MAD1L1: variants seen among roughly 807,000 people sequenced by gnomAD.
MAD1L1 encodes mitotic arrest deficient 1 like 1, also known as mitotic spindle assembly checkpoint protein MAD1.
A neutral mutation model predicts 96.9 loss-of-function variants in MAD1L1; 95 were observed. The ratio of observed to expected loss-of-function variants is 0.98; its 90% CI spans 0.83 to 1.16. The LOEUF is 1.16. Among genes scored for constraint, MAD1L1 ranks in the 50% most tolerant of loss-of-function variants. The pLI, the probability that MAD1L1 is intolerant of heterozygous loss-of-function variation, is 0.00. For missense variants in MAD1L1, 1,007 were observed against 954.4 expected (o/e 1.06, Z -0.73); for synonymous variants, 473 against 396.6 (o/e 1.19, Z -2.29).
intron 18 of MAD1L1, among the ~76,000 whole-genome samples, chr7:1,869,219 C>A (rs1213673743): frequency 6.6e-6 from 1 of 152,118 alleles, no homozygotes; most frequent in Non-Finnish European, 1.5e-5. Flanking sequence ...GCCACAGAGG[C>A]CCGGGGGAAC....
At chr7:1,822,870 A>G (rs1293260672) in intron 18 of MAD1L1, among the ~76,000 whole-genome samples, 8 of 151,904 alleles carry the variant, frequency 5.3e-5, no homozygotes, top group Admixed American at 1.3e-4. Flanking sequence ...TACGGCTCCT[A>G]CGTCAGACAG....
At chr7:2,006,944 G>A (rs537163466) in intron 13 of MAD1L1, among the ~76,000 whole-genome samples, 50 of 152,278 alleles carry the variant, frequency 3.3e-4, no homozygotes, top group East Asian at 5.8e-4. Flanking sequence ...GGATTCCTGC[G>A]AGGGAGGGCA....
intron 16 of MAD1L1, among the ~76,000 whole-genome samples, chr7:1,945,663 GC>G (rs1476561428): frequency 1.3e-5 from 2 of 152,236 alleles, no homozygotes; most frequent in Non-Finnish European, 2.9e-5. Flanking sequence ...TGCTCTGTGA[GC>G]CCTCTTTCAT....
chr7:2,073,170 G>T (rs1380562233), intron 11 of MAD1L1, among the ~76,000 whole-genome samples: 2 of 152,198 alleles, frequency 1.3e-5, no homozygotes, highest in African/African-American at 2.4e-5. Context: ...TGTAACAGTG[G>T]CTCAGCAGAA....
rs772411334 is a variant in MAD1L1, at chr7:2,218,048, T to G, written c.597-5A>C. The stretch of plus-strand genomic sequence containing the variant: ...TGATTGGCTTCCTGGCATTTTCTAT[T>G]GAAAGAAAAATACATCACACACAGA... On this transcript the variant is annotated splice_region_variant and splice_polypyrimidine_tract_variant and intron_variant, in intron 6 of 18. Transcript: ENST00000265854. 3 of 1,611,918 alleles carry G rather than the reference T, an allele frequency of 1.9e-6. No homozygotes were observed. The highest frequency in any genetic ancestry group is 2.5e-6 in the Non-Finnish European group (3 of 1,178,128).
At chr7:1,868,939 C>G (rs1026144022) in intron 18 of MAD1L1, among the ~76,000 whole-genome samples, 4 of 152,212 alleles carry the variant, frequency 2.6e-5, no homozygotes, top group African/African-American at 7.2e-5. Context: ...CGCCTCACCG[C>G]GCCAGGCAGA....
chr7:2,057,720 A>G (rs1022930813), intron 12 of MAD1L1, among the ~76,000 whole-genome samples: 5 of 152,238 alleles, frequency 3.3e-5, no homozygotes, highest in African/African-American at 1.2e-4. Context: ...CTCAACAGTA[A>G]CAAAAACAAC....
chr7:1,941,519 C>T (rs747448650), intron 16 of MAD1L1, among the ~76,000 whole-genome samples: 4 of 152,246 alleles, frequency 2.6e-5, no homozygotes, highest in Non-Finnish European at 5.9e-5. Flanking sequence ...CCCAACAGTG[C>T]AGCGCCCTGC....
chr7:2,036,308 A>G (rs1459950675), intron 12 of MAD1L1, among the ~76,000 whole-genome samples: 303 of 148,910 alleles, frequency 2.0e-3, no homozygotes, highest in Non-Finnish European at 3.8e-3. Flanking sequence ...GCGCGGGAGC[A>G]CTGACAAGTC....
chr7:1,963,718 C>T (rs545462650), intron 15 of MAD1L1, among the ~76,000 whole-genome samples: 9 of 152,242 alleles, frequency 5.9e-5, no homozygotes, highest in East Asian at 1.9e-4. Context: ...TCCCAGCAGA[C>T]GCCGTGCGCT....
chr7:2,166,146 G>A (rs764473056), intron 10 of MAD1L1, among the ~76,000 whole-genome samples: 1 of 152,138 alleles, frequency 6.6e-6, no homozygotes, highest in African/African-American at 2.4e-5. Context: ...TCCAGACCTC[G>A]CCTCCCAGGA....
rs904315338 is a variant in MAD1L1 at position 2,051,627 on chromosome 7, T to A, written c.1218+17567A>T. On this transcript the variant is annotated intron_variant, in intron 12 of 18. Transcript: ENST00000265854. ...CTGCATCCGCCGGGTCACCTTGCTG[T>A]CCCCCACCTCCCCCACCCCCCCACC... Among the ~76,000 whole-genome samples the A allele has an allele frequency of 2.8e-5, 4 of 144,064 alleles. No homozygotes were observed. The Admixed American group carries it at 2.8e-4, about 10-fold the overall frequency. 94.5% of individuals were successfully genotyped at this position (144,064 alleles called of 152,430 possible).
At chr7:2,213,414 C>G in intron 9 of MAD1L1, 141 bp from the exon 10 acceptor site, 1 of 754,038 alleles carries the variant, frequency 1.3e-6, no homozygotes, top group South Asian at 1.5e-5. Flanking sequence ...GCTACATGCT[C>G]CAAGTCTGCT....
intron 16 of MAD1L1, among the ~76,000 whole-genome samples, chr7:1,939,231 G>GCA (rs1453662612): frequency 8.5e-6 from 1 of 118,040 alleles, no homozygotes; most frequent in African/African-American, 3.3e-5. Context: ...AGGGCCAGAG[G>GCA]CACACACACA....
At chr7:2,001,175 G>A (rs774964614) in intron 14 of MAD1L1, among the ~76,000 whole-genome samples, 12 of 152,242 alleles carry the variant, frequency 7.9e-5, no homozygotes, top group East Asian at 1.9e-4. Flanking sequence ...GATGCCCGAC[G>A]GGAGCCTCGA....
intron 13 of MAD1L1, among the ~76,000 whole-genome samples, chr7:2,005,490 G>A (rs532846644): frequency 1.5e-4 from 23 of 152,258 alleles, no homozygotes; most frequent in African/African-American, 5.1e-4. Context: ...AAAGAAGGAC[G>A]GTTCTGTTAC....
intron 12 of MAD1L1, among the ~76,000 whole-genome samples, chr7:2,054,308 C>T (rs61174321): frequency 0.01 from 1,533 of 152,344 alleles, 26 homozygotes; most frequent in African/African-American, 0.035. Flanking sequence ...AGACGGCGGT[C>T]GGGCGCACGT....
chr7:1,845,318 G>A (rs1456368125), intron 18 of MAD1L1: 1 of 152,254 alleles, frequency 6.6e-6, no homozygotes, highest in Non-Finnish European at 1.5e-5. Flanking sequence ...AGAGGCCGGC[G>A]GCTCTGACCT....
intron 18 of MAD1L1, among the ~76,000 whole-genome samples, chr7:1,896,201 G>T (rs1219865404): frequency 6.6e-6 from 1 of 152,228 alleles, no homozygotes; most frequent in African/African-American, 2.4e-5. Flanking sequence ...GGGCTCCAAG[G>T]CGGAAAGGAG....
Sources: gnomAD v4.1 joint callset for allele counts (sites outside exome capture counted in the v4.1 genomes callset) on GRCh38, gnomAD v4.1.1 for gene constraint, MANE v1.5 for transcripts, NCBI Gene and HGNC (gene_info 2026-07-23, HGNC 2026-07-21) for gene names.